The following CREBBP variants were observed in gnomAD, a reference collection of about 807,000 sequenced individuals.
CREBBP encodes the protein CREB-binding protein.
In CREBBP, 19 loss-of-function variants were observed where a neutral mutation model predicts 265.0. That is an observed-to-expected ratio of 0.07 (90% CI 0.05 to 0.11). The LOEUF (loss-of-function observed/expected upper bound fraction) is 0.11, where lower values mean the gene tolerates loss of function less well. Ranked by LOEUF, CREBBP falls within the 10% of genes least tolerant of loss-of-function variation. The probability of loss-of-function intolerance (pLI) is 1.00; values close to 1 mark genes in which losing one functional copy is unlikely to be tolerated. For missense variants in CREBBP, 2,525 were observed against 3,219.0 expected (o/e 0.78, Z 5.22); for synonymous variants, 1,457 against 1,223.7 (o/e 1.19, Z -3.98).
intron 15 of CREBBP, 56 bp from the exon 16 acceptor site, chr16:3,767,965 A>C: frequency 6.5e-7 from 1 of 1,540,060 alleles, no homozygotes; most frequent in Non-Finnish European, 9.0e-7. Context: ...ATGTTACCGC[A>C]ACCTCACGGG....
intron 1 of CREBBP, among the ~76,000 whole-genome samples, chr16:3,858,651 C>T (rs2055011622): frequency 6.6e-6 from 1 of 152,200 alleles, no homozygotes; most frequent in Admixed American, 6.5e-5. Flanking sequence ...CAACAAGCTG[C>T]TTGTCTAGTC....
At chr16:3,858,854 C>T (rs1484532111) in intron 1 of CREBBP, among the ~76,000 whole-genome samples, 1 of 152,194 alleles carries the variant, frequency 6.6e-6, no homozygotes, top group East Asian at 1.9e-4. Context: ...TGAACCCCAA[C>T]CCTAGAATTG....
intron 2 of CREBBP, among the ~76,000 whole-genome samples, chr16:3,830,754 A>T (rs1193314006): frequency 6.6e-6 from 1 of 152,184 alleles, no homozygotes; most frequent in Non-Finnish European, 1.5e-5. Flanking sequence ...ATAGACAATT[A>T]TGAAACATCA....
At chr16:3,835,089 G>A (rs951326108) in intron 2 of CREBBP, among the ~76,000 whole-genome samples, 4 of 152,132 alleles carry the variant, frequency 2.6e-5, no homozygotes, top group Non-Finnish European at 4.4e-5. Context: ...AACCCGGGAG[G>A]TGGAGGTTGC....
intron 28 of CREBBP, among the ~76,000 whole-genome samples, chr16:3,733,445 A>T (rs541613593): frequency 5.5e-4 from 84 of 152,158 alleles, no homozygotes; most frequent in African/African-American, 2.0e-3. Flanking sequence ...CAGGATTCAG[A>T]GACAGAAAAG....
At chr16:3,851,139 T>C in intron 1 of CREBBP, 130 bp from the exon 2 acceptor site, 1 of 790,596 alleles carries the variant, frequency 1.3e-6, no homozygotes, top group East Asian at 2.7e-5. Context: ...AGTCATGTCA[T>C]TAGCTGGGTG....
In CREBBP at chr16:3,879,941, C is replaced by G. The variant is rs2141616910; in HGVS notation, c.-25G>C. 2 of 1,605,172 alleles carry G rather than the reference C, an allele frequency of 1.2e-6. No homozygotes were observed. Among genetic ancestry groups the G allele is most frequent in the East Asian group, 2.2e-5 (1 of 44,494 alleles). On this transcript the variant is annotated 5_prime_UTR_variant, in exon 1 of 31. Transcript: ENST00000262367. ...TTTTCACCTGCTCGCGAAAACAGCC[C>G]CGGGCACGGGCGGCCGGGCCGGCGA...
At chr16:3,859,743 G>A (rs1259397530) in intron 1 of CREBBP, among the ~76,000 whole-genome samples, 5 of 152,188 alleles carry the variant, frequency 3.3e-5, no homozygotes, top group African/African-American at 1.2e-4. Context: ...GGTTCAGAGA[G>A]CTTCCAGATA....
intron 23 of CREBBP, 143 bp from the exon 24 acceptor site, chr16:3,740,692 C>G: frequency 1.0e-6 from 1 of 993,058 alleles, no homozygotes; most frequent in East Asian, 2.6e-5. Flanking sequence ...GAAATCTAAT[C>G]TGTCCTGTGA....
At chr16:3,823,552 C>CA (rs2054180373) in intron 2 of CREBBP, among the ~76,000 whole-genome samples, 2 of 152,194 alleles carry the variant, frequency 1.3e-5, no homozygotes, top group Non-Finnish European at 2.9e-5. Flanking sequence ...ACAAGGTCGA[C>CA]ACCTACTCAG....
At chr16:3,810,140 A>G (rs1487269390) in intron 3 of CREBBP, among the ~76,000 whole-genome samples, 1 of 152,208 alleles carries the variant, frequency 6.6e-6, no homozygotes, top group Admixed American at 6.5e-5. Flanking sequence ...AGGGAGGATG[A>G]AGACACGTGG....
rs190121951 is a variant in CREBBP, at chr16:3,729,776, G to T, written c.5271C>A (p.Gly1757=). The change falls in exon 31 of 31, where the codon GGC becomes GGA. Residue 1757 remains glycine, a synonymous_variant. Coordinates refer to ENST00000262367, the MANE Select transcript of CREBBP (RefSeq NM_004380.3). ...CCTGGGGGCTCTTTGACTGTGGCTC[G>T]CCCTGGCTGCTGCCCTCGTCATCCA... ...LGLDDEGSSQ[G]EPQSKSPQES... The T allele has an allele frequency of 3.8e-6, 6 of 1,585,718 alleles. 1 individual carries two copies. The highest frequency in any genetic ancestry group is 3.3e-4 in the Middle Eastern group (2 of 5,978).
rs750617860 is a variant in CREBBP at position 3,879,924 on chromosome 16, T to C, written c.-8A>G. On this transcript the variant is annotated 5_prime_UTR_variant, in exon 1 of 31. Coordinates refer to ENST00000262367, the MANE Select transcript of CREBBP (RefSeq NM_004380.3). ...CAGCAAGTTCTCAGCCATTTTCACC[T>C]GCTCGCGAAAACAGCCCCGGGCACG... 2 of 1,610,268 alleles carry C rather than the reference T, an allele frequency of 1.2e-6. No individual in the cohort carries two copies. Among genetic ancestry groups the C allele is most frequent in the Middle Eastern group, 1.7e-4 (1 of 6,024 alleles).
At chr16:3,749,017 G>T (rs1005855226) in intron 21 of CREBBP, among the ~76,000 whole-genome samples, 1 of 152,086 alleles carries the variant, frequency 6.6e-6, no homozygotes, top group Non-Finnish European at 1.5e-5. Context: ...CGTGGTGGTG[G>T]GCGCCTGTAG....
At chr16:3,835,310 G>C (rs1466488399) in intron 2 of CREBBP, among the ~76,000 whole-genome samples, 1 of 152,096 alleles carries the variant, frequency 6.6e-6, no homozygotes, top group Non-Finnish European at 1.5e-5. Context: ...AGTCTTTGCA[G>C]ATGACCTGCG....
At chr16:3,811,555 G>C (rs2053938117) in intron 2 of CREBBP, among the ~76,000 whole-genome samples, 2 of 152,118 alleles carry the variant, frequency 1.3e-5, no homozygotes, top group African/African-American at 4.8e-5. Flanking sequence ...CAGTGGAGCT[G>C]TCTCGGCTCA....
intron 19 of CREBBP, among the ~76,000 whole-genome samples, chr16:3,756,253 A>C (rs1210538474): frequency 2.0e-5 from 3 of 152,250 alleles, no homozygotes; most frequent in African/African-American, 7.2e-5. Flanking sequence ...GCCACAGAGA[A>C]TCCAGCTGCT....
rs1415643966 is a variant in CREBBP, at chr16:3,725,480, C to G, written c.*2238G>C. ...CCACTTCTTGTTTGAACACATGGCT[C>G]AAGGTTTCCCTACGGGTGGAAAAGA... On this transcript the variant is annotated 3_prime_UTR_variant, in exon 31 of 31. Transcript: ENST00000262367. The G allele has an allele frequency of 8.6e-6, 2 of 233,130 alleles. No homozygotes were observed. Among genetic ancestry groups the G allele is most frequent in the Admixed American group, 1.1e-4 (2 of 17,782 alleles). The allele number at this position is 233,130 out of a possible 1,614,324, so 14.4% of individuals were successfully genotyped here.
chr16:3,740,079 CCTGTA>C (rs2052164373), intron 24 of CREBBP, among the ~76,000 whole-genome samples: 1 of 152,166 alleles, frequency 6.6e-6, no homozygotes, highest in African/African-American at 2.4e-5. Context: ...TTCTTATACA[CCTGTA>C]CTGGTCACAA....
Sources: allele counts gnomAD v4.1 joint callset (sites outside exome capture counted in the v4.1 genomes callset), GRCh38; gene constraint gnomAD v4.1.1; transcripts MANE v1.5; gene names NCBI Gene and HGNC (gene_info 2026-07-23, HGNC 2026-07-21).